Variants in CHN2 observed in about 807,000 individuals in gnomAD.
CHN2 encodes beta-chimaerin.
In CHN2, 35 loss-of-function variants were observed where a neutral mutation model predicts 56.3. The observed-to-expected ratio is 0.62, with a 90% CI of 0.47 to 0.82. The LOEUF (loss-of-function observed/expected upper bound fraction) is 0.82, where lower values mean the gene tolerates loss of function less well. CHN2 is among the 40% of genes least tolerant of loss of function. The pLI, the probability that CHN2 is intolerant of heterozygous loss-of-function variation, is 0.00. For synonymous variants in CHN2, 210 were observed against 212.8 expected, an observed-to-expected ratio of 0.99 and a Z score of 0.12; for missense variants, 491 against 580.5, an observed-to-expected ratio of 0.85 and a Z score of 1.58.
At chr7:29,285,620 T>G (rs984185319) in intron 1 of CHN2, among the ~76,000 whole-genome samples, 2 of 152,226 alleles carry the variant, frequency 1.3e-5, no homozygotes, top group Non-Finnish European at 2.9e-5. Flanking sequence ...AAATTCCCTT[T>G]TCACATATGT....
intron 3 of CHN2, among the ~76,000 whole-genome samples, chr7:29,390,053 C>CAAAAAAAAAA (rs59954760): frequency 8.2e-6 from 1 of 122,010 alleles, no homozygotes; most frequent in Non-Finnish European, 1.7e-5. Flanking sequence ...GACACTGTCT[C>CAAAAAAAAAA]AAAAAAAAAA....
chr7:29,354,976 T>TTTATTTC (rs1798182703), intron 2 of CHN2, among the ~76,000 whole-genome samples: 1 of 43,466 alleles, frequency 2.3e-5, no homozygotes, highest in African/African-American at 1.2e-4. Flanking sequence ...TTATTTATTT[T>TTTATTTC]TTATTTATTG....
At chr7:29,377,131 C>T (rs1190518597) in intron 3 of CHN2, among the ~76,000 whole-genome samples, 3 of 152,058 alleles carry the variant, frequency 2.0e-5, no homozygotes, top group African/African-American at 4.8e-5. Context: ...AGTTTCAAGC[C>T]CCCTGCCTCA....
intron 2 of CHN2, among the ~76,000 whole-genome samples, chr7:29,183,192 C>T (rs1378728378): frequency 1.3e-5 from 2 of 150,650 alleles, no homozygotes; most frequent in East Asian, 2.0e-4. Context: ...TCAAGCGATT[C>T]TCCTGCCTCA....
At chr7:29,317,954 A>G (rs1795074752) in intron 1 of CHN2, among the ~76,000 whole-genome samples, 1 of 152,222 alleles carries the variant, frequency 6.6e-6, no homozygotes, top group Non-Finnish European at 1.5e-5. Flanking sequence ...ACTGCACTCC[A>G]GCCTGGGCAG....
chr7:29,289,956 G>C (rs1792462169), intron 1 of CHN2, among the ~76,000 whole-genome samples: 1 of 152,186 alleles, frequency 6.6e-6, no homozygotes, highest in Non-Finnish European at 1.5e-5. Flanking sequence ...TGGTAAGTAA[G>C]CTCTTACAGA....
chr7:29,359,334 A>G (rs1798553797), intron 2 of CHN2, among the ~76,000 whole-genome samples: 1 of 152,230 alleles, frequency 6.6e-6, no homozygotes, highest in South Asian at 2.1e-4. Context: ...TTAGAAGGGT[A>G]AGAAATCAGC....
At chr7:29,329,376 CAAAAAAAAAAAAAAAAA>C in intron 1 of CHN2, among the ~76,000 whole-genome samples, 1 of 37,248 alleles carries the variant, frequency 2.7e-5, no homozygotes, top group Non-Finnish European at 4.6e-5. Context: ...TCAGATAAGG[CAAAAAAAAAAAAAAAAA>C]AAAAAAAAAG....
At chr7:29,240,816 T>TTCTTCG (rs139491742) in intron 1 of CHN2, among the ~76,000 whole-genome samples, 108 of 149,442 alleles carry the variant, frequency 7.2e-4, no homozygotes, top group Non-Finnish European at 1.0e-3. Flanking sequence ...CTTCTTCTTC[T>TTCTTCG]TCGTCGTCGT....
chr7:29,218,796 A>C (rs1785538303), intron 1 of CHN2, among the ~76,000 whole-genome samples: 1 of 130,804 alleles, frequency 7.6e-6, no homozygotes, highest in South Asian at 2.5e-4. Context: ...CACACCAGGG[A>C]CTGTTGTGGG....
intron 6 of CHN2, among the ~76,000 whole-genome samples, chr7:29,420,449 AAAGG>A (rs1804219730): frequency 6.6e-6 from 1 of 152,226 alleles, no homozygotes; most frequent in African/African-American, 2.4e-5. Context: ...TTTAGCTTCA[AAAGG>A]AAGGAAACCC....
intron 6 of CHN2, among the ~76,000 whole-genome samples, chr7:29,468,627 C>G (rs1275020893): frequency 6.6e-6 from 1 of 152,146 alleles, no homozygotes; most frequent in Non-Finnish European, 1.5e-5. Flanking sequence ...GTACTCCCAG[C>G]ACTGGCTGTA....
At chr7:29,230,969 T>C (rs572572041) in intron 1 of CHN2, among the ~76,000 whole-genome samples, 36 of 152,322 alleles carry the variant, frequency 2.4e-4, no homozygotes, top group African/African-American at 6.3e-4. Flanking sequence ...GCATTTGTAT[T>C]AGGCCCGTTT....
At chr7:29,261,836 A>C (rs781047162) in intron 1 of CHN2, among the ~76,000 whole-genome samples, 7 of 152,240 alleles carry the variant, frequency 4.6e-5, no homozygotes, top group Non-Finnish European at 8.8e-5. Flanking sequence ...ATCGTTATAC[A>C]CAAACCTTTT....
At chr7:29,357,456 T>G (rs1005373660) in intron 2 of CHN2, among the ~76,000 whole-genome samples, 1 of 152,264 alleles carries the variant, frequency 6.6e-6, no homozygotes, top group Non-Finnish European at 1.5e-5. Flanking sequence ...ATCGAGCTCA[T>G]GCTACTCCAT....
At chr7:29,496,161 A>C in intron 8 of CHN2, 125 bp downstream of exon 8, 1 of 644,822 alleles carries the variant, frequency 1.6e-6, no homozygotes, top group Non-Finnish European at 2.5e-6. Context: ...TGCAGGGTTC[A>C]AGGCCTGTCT....
At chr7:29,412,324 T>G (rs1416107299) in intron 6 of CHN2, among the ~76,000 whole-genome samples, 1 of 95,574 alleles carries the variant, frequency 1.0e-5, no homozygotes, top group Non-Finnish European at 2.1e-5. Context: ...AAGAGTCTTT[T>G]TTTTTTTTTT....
chr7:29,500,011 A>G lies in CHN2; in HGVS notation c.884A>G (p.Asp295Gly). 1 of 1,562,608 alleles carries G rather than the reference A, an allele frequency of 6.4e-7. No homozygotes were observed. Among genetic ancestry groups the G allele is most frequent in the Non-Finnish European group, 8.7e-7 (1 of 1,153,986 alleles). ...AACACTCAGAGACCCATGGTGGTAG[A>G]CATATGCATTCGGGAAATTGAAGCA... ...AHNTQRPMVV[D>G]ICIREIEARG... is the part of the protein sequence containing the mutation. Residue 295 changes from aspartate (D) to glycine (G), a missense_variant, in exon 9 of 13, where the codon GAC becomes GGC. Physicochemically the swap from Asp to Gly is moderately conservative, Grantham distance 94. Transcript: ENST00000222792.
intron 3 of CHN2, among the ~76,000 whole-genome samples, chr7:29,385,366 T>G (rs1800835121): frequency 6.6e-6 from 1 of 152,236 alleles, no homozygotes; most frequent in Non-Finnish European, 1.5e-5. Context: ...ACCTTGGCAC[T>G]ATTGACCTTT....
Sources: gnomAD v4.1 joint callset for allele counts (sites outside exome capture counted in the v4.1 genomes callset) on GRCh38, gnomAD v4.1.1 for gene constraint, MANE v1.5 for transcripts, NCBI Gene and HGNC (gene_info 2026-07-23, HGNC 2026-07-21) for gene names.